The following DNMT3A variants were observed in gnomAD, a reference collection of about 807,000 sequenced individuals.
The protein encoded by DNMT3A is DNA methyltransferase 3 alpha.
DNMT3A carries 267 observed loss-of-function variants against 117.6 expected under a neutral mutation model. The ratio of observed to expected loss-of-function variants is 2.27; its 90% CI spans 2.05 to 2.51. The LOEUF is 2.51. Among genes scored for constraint, DNMT3A ranks in the 30% most tolerant of loss-of-function variants. DNMT3A has a pLI of 0.00. For synonymous variants in DNMT3A, 432 were observed against 474.8 expected (o/e 0.91, Z 1.17); for missense variants, 1,029 against 1,260.2 (o/e 0.82, Z 2.78).
rs2149376598 is a variant in DNMT3A, at chr2:25,281,038, C to T, written c.448+1403G>A. Among the ~76,000 whole-genome samples, 1 of 152,272 alleles carries T rather than the reference C, an allele frequency of 6.6e-6. No homozygotes were observed. The highest frequency in any genetic ancestry group is 2.1e-4 in the South Asian group (1 of 4,820). On this transcript the variant is annotated intron_variant, in intron 4 of 22. Transcript: ENST00000321117. The surrounding 1 kb of genome is among the most constrained non-coding windows in gnomAD (Gnocchi z 4.8). Reference sequence around the variant, plus strand: ...CAGGGCTGATGGGTTCTCTCACACACCTGGCATTGTTAATGGGAAGGATGG... The same window carrying T: ...CAGGGCTGATGGGTTCTCTCACACATCTGGCATTGTTAATGGGAAGGATGG...
rs980510712 is a variant in DNMT3A at position 25,257,880 on chromosome 2, C to G, written c.640-9628G>C. On this transcript the variant is annotated intron_variant, in intron 6 of 22. Coordinates refer to ENST00000321117, the MANE Select transcript of DNMT3A (RefSeq NM_022552.5). The surrounding 1 kb of genome is among the most constrained non-coding windows in gnomAD (Gnocchi z 4.8). ...GCTGTGTCTGTTACAAATGAGAACA[C>G]TGAGGCCTAGAGAGGCCCGAGCCCA... is the stretch of plus-strand genomic sequence containing the variant. 1.3e-5 allele frequency among the ~76,000 whole-genome samples: 2 copies of G among 152,210 alleles called. No homozygotes were observed. The highest frequency in any genetic ancestry group is 4.8e-5 in the African/African-American group (2 of 41,450).
At chr2:25,326,250 G>C (rs2034786334) in intron 1 of DNMT3A, among the ~76,000 whole-genome samples, 1 of 151,546 alleles carries the variant, frequency 6.6e-6, no homozygotes, top group Non-Finnish European at 1.5e-5. Flanking sequence ...GTAGTCTTTA[G>C]GTAACAGAAT....
intron 2 of DNMT3A, among the ~76,000 whole-genome samples, chr2:25,303,575 G>A (rs2033629693): frequency 6.6e-6 from 1 of 152,254 alleles, no homozygotes; most frequent in African/African-American, 2.4e-5. Context: ...CCCACACCTG[G>A]TGCAAGGAGC....
chr2:25,247,597 G>GAT lies in DNMT3A; in HGVS notation c.1007_1008insAT (p.Phe336LeufsTer10). 1 of 1,613,916 alleles carries GAT rather than the reference G, an allele frequency of 6.2e-7. No homozygotes were observed. Among genetic ancestry groups the GAT allele is most frequent in the Non-Finnish European group, 8.5e-7 (1 of 1,179,964 alleles). On this transcript the variant is annotated frameshift_variant, in exon 8 of 23. Coordinates refer to ENST00000321117, the MANE Select transcript of DNMT3A (RefSeq NM_022552.5). LOFTEE classifies it high-confidence loss of function. This position sits in a 1 kb window ranked among gnomAD's most constrained non-coding sequence, Gnocchi z 5.6. Reference sequence around the variant, plus strand: ...GCCAAACCCCACAACTTACCACTGAGAATTTGCCGTCTCCGAACCACATGA... The same window carrying GAT: ...GCCAAACCCCACAACTTACCACTGAGATAATTTGCCGTCTCCGAACCACATGA...
chr2:25,289,263 T>A (rs2032567224), intron 3 of DNMT3A, among the ~76,000 whole-genome samples: 1 of 151,862 alleles, frequency 6.6e-6, no homozygotes, highest in East Asian at 1.9e-4. Context: ...CCACCACACC[T>A]GGCTAATTTT....
At chr2:25,241,991 G>A in intron 16 of DNMT3A, 1 of 440,014 alleles carries the variant, frequency 2.3e-6, no homozygotes, top group Non-Finnish European at 4.0e-6. Context: ...AAGAATCACA[G>A]CTGACTTTTT....
At chr2:25,249,484 G>T in intron 6 of DNMT3A, 1 of 718,942 alleles carries the variant, frequency 1.4e-6, no homozygotes, top group Non-Finnish European at 2.4e-6. Context: ...AGTGTGTATT[G>T]TTACCAGATT....
At chr2:25,260,009 T>C (rs1676470933) in intron 6 of DNMT3A, among the ~76,000 whole-genome samples, 1 of 152,172 alleles carries the variant, frequency 6.6e-6, no homozygotes, top group Non-Finnish European at 1.5e-5. Flanking sequence ...CCCTACTTCT[T>C]CCTTTGCTTG....
chr2:25,234,420 C>T lies in DNMT3A; in HGVS notation c.2598G>A (p.Arg866=), dbSNP rs1673118202. Residue 866 remains arginine, a splice_region_variant and synonymous_variant, in exon 23 of 23, where the codon AGG becomes AGA. Transcript: ENST00000321117. The surrounding 1 kb of genome is among the most constrained non-coding windows in gnomAD (Gnocchi z 4.5). ...TATAGTGGACTGGGAAACCAAATAC[C>T]CTGGGGGAGAAAAGGCAGAGAGGGC... ...EDILWCTEME[R]VFGFPVHYTD... The T allele has an allele frequency of 6.2e-7, 1 of 1,611,844 alleles. No homozygotes were observed. Among genetic ancestry groups the T allele is most frequent in the Non-Finnish European group, 8.5e-7 (1 of 1,178,768 alleles).
chr2:25,341,767 C>T (rs1269249357), intron 1 of DNMT3A, 59 bp downstream of exon 1: 1 of 973,716 alleles, frequency 1.0e-6, no homozygotes, highest in African/African-American at 1.8e-5. Context: ...CGCCCGGCTC[C>T]CCGGCTCCCC....
At chr2:25,244,762 C>T in intron 13 of DNMT3A, 110 bp from the exon 14 acceptor site, 1 of 876,714 alleles carries the variant, frequency 1.1e-6, no homozygotes, top group Non-Finnish European at 1.8e-6. Flanking sequence ...GAAGACATGA[C>T]CCCGCCACCA....
chr2:25,249,115 A>T (rs1675214602), intron 6 of DNMT3A, among the ~76,000 whole-genome samples: 1 of 152,216 alleles, frequency 6.6e-6, no homozygotes, highest in Non-Finnish European at 1.5e-5. Flanking sequence ...CTTAATCAAG[A>T]CTAGGATCTT....
intron 19 of DNMT3A, chr2:25,239,589 C>T (rs1341952443): frequency 1.9e-6 from 1 of 522,806 alleles, no homozygotes; most frequent in East Asian, 4.4e-5. Context: ...CTGGTGGCTA[C>T]CATATTGCAC....
At chr2:25,331,406 C>CT (rs1474695474) in intron 1 of DNMT3A, among the ~76,000 whole-genome samples, 1 of 152,230 alleles carries the variant, frequency 6.6e-6, no homozygotes, top group African/African-American at 2.4e-5. Flanking sequence ...TTTCTGTTTG[C>CT]TTTCCAAAAA....
chr2:25,246,018 AC>A lies in DNMT3A; in HGVS notation c.1474+1del, dbSNP rs1200077617. On this transcript the variant is annotated splice_donor_variant, in intron 12 of 22. Coordinates refer to ENST00000321117, the MANE Select transcript of DNMT3A (RefSeq NM_022552.5). LOFTEE classifies it high-confidence loss of function. ...GCCAGAGTTCCCAGGCAACAAACTTACCCTCAATGTTCCGGCACTTCTGCCG... is the reference window on the plus strand; with the variant it reads ...GCCAGAGTTCCCAGGCAACAAACTTACCTCAATGTTCCGGCACTTCTGCCG... 1 of 1,613,800 alleles carries A rather than the reference AC, an allele frequency of 6.2e-7. No individual in the cohort carries two copies.
Position 25,234,587 on chromosome 2 carries a change from A to G in DNMT3A, c.2598-167T>C, listed in dbSNP as rs1363782326. 6.6e-6 allele frequency among the ~76,000 whole-genome samples: 1 copy of G among 152,198 alleles called. No homozygotes were observed. Among genetic ancestry groups the G allele is most frequent in the Non-Finnish European group, 1.5e-5 (1 of 68,038 alleles). On this transcript the variant is annotated intron_variant, in intron 22 of 22. Transcript: ENST00000321117. This position sits in a 1 kb window ranked among gnomAD's most constrained non-coding sequence, Gnocchi z 4.5. ...TCTGACGCCTGCTTAGTTCTGCCGA[A>G]TCTTCTGTCCTTTATAAACAACCCG...
chr2:25,315,472 G>T (rs193068169), intron 1 of DNMT3A, among the ~76,000 whole-genome samples: 1 of 152,176 alleles, frequency 6.6e-6, no homozygotes, highest in South Asian at 2.1e-4. Context: ...GGTGCACTGC[G>T]TCCATTCCCC....
chr2:25,256,296 G>A (rs1003049447), intron 6 of DNMT3A, among the ~76,000 whole-genome samples: 1 of 152,130 alleles, frequency 6.6e-6, no homozygotes, highest in African/African-American at 2.4e-5. Flanking sequence ...GGAGGCCTCC[G>A]TGTGATATCA....
intron 1 of DNMT3A, among the ~76,000 whole-genome samples, chr2:25,318,966 T>A (rs2034488649): frequency 6.6e-6 from 1 of 151,472 alleles, no homozygotes. Flanking sequence ...CCCAAAGTGT[T>A]AGGATTACAG....
Sources: gnomAD v4.1 joint callset for allele counts (sites outside exome capture counted in the v4.1 genomes callset) on GRCh38, gnomAD v4.1.1 for gene constraint, Gnocchi (gnomAD v3.1) non-coding constraint, MANE v1.5 for transcripts, NCBI Gene and HGNC (gene_info 2026-07-23, HGNC 2026-07-21) for gene names.